Variants in CELSR1 observed in about 807,000 individuals in gnomAD.
CELSR1 encodes the protein adhesion G protein-coupled receptor C1.
Under a neutral mutation model 249.1 loss-of-function variants are expected in CELSR1, and 110 were observed. That is an observed-to-expected ratio of 0.44 (90% CI 0.38 to 0.52). CELSR1 has a LOEUF of 0.52. Among genes scored for constraint, CELSR1 ranks in the 20% least tolerant of loss-of-function variants. The pLI, the probability that CELSR1 is intolerant of heterozygous loss-of-function variation, is 0.00. For missense variants in CELSR1, 4,109 were observed against 4,296.4 expected (o/e 0.96, Z 1.22); for synonymous variants, 2,113 against 1,900.0 (o/e 1.11, Z -2.92).
chr22:46,366,241 A>AGAAAG, intron 30 of CELSR1, 145 bp downstream of exon 30: 1 of 407,454 alleles, frequency 2.5e-6, no homozygotes, highest in Non-Finnish European at 4.1e-6. Context: ...CAGGGAGGGA[A>AGAAAG]GTTGCGGGTG....
chr22:46,441,167 A>G lies in CELSR1; in HGVS notation c.4184-1756T>C, dbSNP rs796126456. Among the ~76,000 whole-genome samples, 2,078 of 151,504 alleles carry G rather than the reference A, an allele frequency of 0.014. 51 individuals are homozygous for G. The highest frequency in any genetic ancestry group is 0.046 in the African/African-American group (1,877 of 41,146). ...GACTTCATTTCAAAAAAAAAAAAAA[A>G]AGAGAGACTGCTATAAAGATGGAAC... On this transcript the variant is annotated intron_variant, in intron 2 of 34. Coordinates refer to ENST00000674500, the MANE Select transcript of CELSR1 (RefSeq NM_001378328.1). The surrounding 1 kb of genome is among the most constrained non-coding windows in gnomAD (Gnocchi z 6.1).
In CELSR1 at chr22:46,374,155, G is replaced by T. The variant is rs542639738; in HGVS notation, c.7585-1098C>A. Among the ~76,000 whole-genome samples, 1 of 152,384 alleles carries T rather than the reference G, an allele frequency of 6.6e-6. No individual in the cohort carries two copies. Among genetic ancestry groups the T allele is most frequent in the South Asian group, 2.1e-4 (1 of 4,828 alleles). On this transcript the variant is annotated intron_variant, in intron 24 of 34. Transcript: ENST00000674500. This position sits in a 1 kb window ranked among gnomAD's most constrained non-coding sequence, Gnocchi z 4.3. The stretch of plus-strand genomic sequence containing the variant: ...TCAGACTGTGGCCTCGGTCAGGAAA[G>T]GAGGCGCGAGCGTGTGGCTGGAGAA...
chr22:46,365,646 T>C lies in CELSR1; in HGVS notation c.8344A>G (p.Arg2782Gly). Residue 2782 changes from arginine to glycine, a missense_variant, in exon 31 of 35, where the codon AGG becomes GGG. Transcript: ENST00000674500. Reference protein sequence around the residue: ...QKLGVSSGLVRGSHGEPDASL... With the variant: ...QKLGVSSGLVGGSHGEPDASL... The stretch of plus-strand genomic sequence containing the variant: ...GCGTCTGGCTCTCCGTGGCTGCCCC[T>C]CACCAGCCCAGAGGACACGCCGAGC... 2 of 1,588,942 alleles carry C rather than the reference T, an allele frequency of 1.3e-6. No individual in the cohort carries two copies. The highest frequency in any genetic ancestry group is 1.7e-6 in the Non-Finnish European group (2 of 1,168,574).
rs1224034207 is a variant in CELSR1 at position 46,472,278 on chromosome 22, C to T, written c.3545-7933G>A. 1.3e-5 allele frequency among the ~76,000 whole-genome samples: 2 copies of T among 152,188 alleles called. No homozygotes were observed. Among genetic ancestry groups the T allele is most frequent in the Non-Finnish European group, 2.9e-5 (2 of 68,032 alleles). ...TGGAGGTTGGGACCTGTCCAGTCCC[C>T]GACTTTCGTGAAAGACTCTGCAGTA... On this transcript the variant is annotated intron_variant, in intron 1 of 34. Coordinates refer to ENST00000674500, the MANE Select transcript of CELSR1 (RefSeq NM_001378328.1). This position sits in a 1 kb window ranked among gnomAD's most constrained non-coding sequence, Gnocchi z 7.0.
rs2080827360 is a variant in CELSR1, at chr22:46,534,423, G to C, written c.2748C>G (p.Ala916=). 1 of 1,612,968 alleles carries C rather than the reference G, an allele frequency of 6.2e-7. No individual in the cohort carries two copies. The highest frequency in any genetic ancestry group is 2.2e-5 in the East Asian group (1 of 44,882). Residue 916 remains alanine (A), a synonymous_variant, in exon 1 of 35, where the codon GCC becomes GCG. Transcript: ENST00000674500. The surrounding 1 kb of genome is among the most constrained non-coding windows in gnomAD (Gnocchi z 9.7). ...PPSTSILQVS[A]TDRDSGPNGR... ...CATTGGGACCTGAGTCCCGGTCCGT[G>C]GCAGAGACCTGGAGGATGCTGGTCG...
intron 2 of CELSR1, among the ~76,000 whole-genome samples, chr22:46,462,017 T>C (rs577410610): frequency 7.2e-5 from 11 of 152,302 alleles, no homozygotes; most frequent in African/African-American, 2.6e-4. Flanking sequence ...GGAGGGGGCC[T>C]GGTTCAGGCC....
rs929897718 is a variant in CELSR1 at position 46,362,226 on chromosome 22, C to G, written c.*997G>C. ...TCCCCACCTGCAGCTCCCGGGCCAC[C>G]TGGGAGGCGGTGAGGGGAGGGGGTG... On this transcript the variant is annotated 3_prime_UTR_variant, in exon 35 of 35. Coordinates refer to ENST00000674500, the MANE Select transcript of CELSR1 (RefSeq NM_001378328.1). 1 of 152,282 alleles carries G rather than the reference C, an allele frequency of 6.6e-6. No individual in the cohort carries two copies. Among genetic ancestry groups the G allele is most frequent in the Non-Finnish European group, 1.5e-5 (1 of 68,070 alleles). 9.4% of individuals were successfully genotyped at this position (152,282 alleles called of 1,614,324 possible). A position where few individuals can be genotyped will look rare whatever the true frequency, so the allele number is the denominator to read the frequency against.
rs535083131 is a variant in CELSR1 at position 46,393,067 on chromosome 22, T to C, written c.5964+1075A>G. Among the ~76,000 whole-genome samples, 3 of 152,272 alleles carry C rather than the reference T, an allele frequency of 2.0e-5. No homozygotes were observed. Among genetic ancestry groups the C allele is most frequent in the African/African-American group, 7.2e-5 (3 of 41,574 alleles). On this transcript the variant is annotated intron_variant, in intron 14 of 34. Transcript: ENST00000674500. The surrounding 1 kb of genome is among the most constrained non-coding windows in gnomAD (Gnocchi z 4.1). ...CGCAGGCACTGGGGGGGGACACTAC[T>C]GACATCACGAGATGGCATCCAAGGG... is the stretch of plus-strand genomic sequence containing the variant.
chr22:46,365,089 TC>T, intron 32 of CELSR1, 141 bp downstream of exon 32: 2 of 1,200,954 alleles, frequency 1.7e-6, no homozygotes, highest in Non-Finnish European at 2.3e-6. Context: ...CCAACCAGAG[TC>T]CCCCCACCCC....
rs1259756342 is a variant in CELSR1, at chr22:46,410,383, G to C, written c.4933+15C>G. 6.2e-7 allele frequency: 1 copy of C among 1,607,260 alleles called. No homozygotes were observed. Among genetic ancestry groups the C allele is most frequent in the Admixed American group, 1.7e-5 (1 of 59,906 alleles). ...GCCACTGCGGCAGCTCCGACGCCCTGACGGCCACCCGTACCTTCCCGGGTG... is the reference window on the plus strand; with the variant it reads ...GCCACTGCGGCAGCTCCGACGCCCTCACGGCCACCCGTACCTTCCCGGGTG... On this transcript the variant is annotated intron_variant, in intron 7 of 34. Coordinates refer to ENST00000674500, the MANE Select transcript of CELSR1 (RefSeq NM_001378328.1). The surrounding 1 kb of genome is among the most constrained non-coding windows in gnomAD (Gnocchi z 6.8).
At position 46,445,982 on chromosome 22, in the gene CELSR1, C is replaced by T. The variant is rs2079814978; in HGVS notation, c.4184-6571G>A. Among the ~76,000 whole-genome samples the T allele has an allele frequency of 6.6e-6, 1 of 152,198 alleles. No homozygotes were observed. Among genetic ancestry groups the T allele is most frequent in the Admixed American group, 6.5e-5 (1 of 15,282 alleles). ...GCCCCTGCTCCTGCCGCACAGCCTCCAGACCTACTTGTCCCTTGCCTCGCG... is the reference window on the plus strand; with the variant it reads ...GCCCCTGCTCCTGCCGCACAGCCTCTAGACCTACTTGTCCCTTGCCTCGCG... On this transcript the variant is annotated intron_variant, in intron 2 of 34. Coordinates refer to ENST00000674500, the MANE Select transcript of CELSR1 (RefSeq NM_001378328.1). This position sits in a 1 kb window ranked among gnomAD's most constrained non-coding sequence, Gnocchi z 4.4.
intron 1 of CELSR1, among the ~76,000 whole-genome samples, chr22:46,532,257 G>A (rs145568446): frequency 6.6e-6 from 1 of 152,274 alleles, no homozygotes; most frequent in East Asian, 1.9e-4. Flanking sequence ...AAGATAAAGT[G>A]GTATAGAAGA....
At position 46,537,289 on chromosome 22, in the gene CELSR1, C is replaced by G; in HGVS notation, c.-119G>C. The G allele has an allele frequency of 1.0e-6, 1 of 984,428 alleles. No individual in the cohort carries two copies. Among genetic ancestry groups the G allele is most frequent in the East Asian group, 1.1e-4 (1 of 9,244 alleles). 61.0% of individuals were successfully genotyped at this position (984,428 alleles called of 1,614,324 possible). ...CGGGCGCCCGGCCCTCGGGGCGGTCCGCGTCCCGCCTCCCCGGGGGCCCTG... is the reference window on the plus strand; with the variant it reads ...CGGGCGCCCGGCCCTCGGGGCGGTCGGCGTCCCGCCTCCCCGGGGGCCCTG... On this transcript the variant is annotated 5_prime_UTR_variant, in exon 1 of 35. Coordinates refer to ENST00000674500, the MANE Select transcript of CELSR1 (RefSeq NM_001378328.1). The surrounding 1 kb of genome is among the most constrained non-coding windows in gnomAD (Gnocchi z 5.8).
At chr22:46,425,257 G>A (rs2079523970) in intron 5 of CELSR1, among the ~76,000 whole-genome samples, 1 of 152,116 alleles carries the variant, frequency 6.6e-6, no homozygotes, top group Non-Finnish European at 1.5e-5. Flanking sequence ...AGTGGTCTGT[G>A]GTTTTGTTTA....
At chr22:46,505,044 T>G (rs1018655766) in intron 1 of CELSR1, among the ~76,000 whole-genome samples, 6 of 151,716 alleles carry the variant, frequency 4.0e-5, no homozygotes, top group African/African-American at 1.5e-4. Context: ...GGGCGGATCA[T>G]GAGGTCAGGA....
chr22:46,489,904 A>G (rs1287043027), intron 1 of CELSR1, among the ~76,000 whole-genome samples: 1 of 151,242 alleles, frequency 6.6e-6, no homozygotes, highest in Non-Finnish European at 1.5e-5. Context: ...AAAAAAAAAA[A>G]AGCCCATCCT....
Position 46,363,077 on chromosome 22 carries a change from G to T in CELSR1, c.*146C>A. 6.5e-7 allele frequency: 1 copy of T among 1,544,224 alleles called. No individual in the cohort carries two copies. Among genetic ancestry groups the T allele is most frequent in the South Asian group, 1.1e-5 (1 of 89,502 alleles). The stretch of plus-strand genomic sequence containing the variant: ...TCAGTCGGGGGGCTGCCACCATGGG[G>T]ACCGCCACACTCTGGGCCCACTCCA... On this transcript the variant is annotated 3_prime_UTR_variant, in exon 35 of 35. Coordinates refer to ENST00000674500, the MANE Select transcript of CELSR1 (RefSeq NM_001378328.1). The surrounding 1 kb of genome is among the most constrained non-coding windows in gnomAD (Gnocchi z 4.3).
In CELSR1 at chr22:46,410,614, G is replaced by A. The variant is rs1292943645; in HGVS notation, c.4770-53C>T. The A allele has an allele frequency of 1.5e-5, 23 of 1,583,940 alleles. No homozygotes were observed. The highest frequency in any genetic ancestry group is 6.7e-5 in the Admixed American group (4 of 59,346). On this transcript the variant is annotated intron_variant, in intron 6 of 34. Coordinates refer to ENST00000674500, the MANE Select transcript of CELSR1 (RefSeq NM_001378328.1). This position sits in a 1 kb window ranked among gnomAD's most constrained non-coding sequence, Gnocchi z 6.8. ...CGTCAGGGCGGGGAGAGGCGGCCAC[G>A]GCGGGCTGGGCTCCGCAGTTGCCTC...
At position 46,391,350 on chromosome 22, in the gene CELSR1, C is replaced by A; in HGVS notation, c.6149-63G>T. The A allele has an allele frequency of 6.9e-7, 1 of 1,446,790 alleles. No homozygotes were observed. 89.6% of individuals were successfully genotyped at this position (1,446,790 alleles called of 1,614,324 possible). A position where few individuals can be genotyped will look rare whatever the true frequency, so the allele number is the denominator to read the frequency against. On this transcript the variant is annotated intron_variant, in intron 15 of 34. Coordinates refer to ENST00000674500, the MANE Select transcript of CELSR1 (RefSeq NM_001378328.1). This position sits in a 1 kb window ranked among gnomAD's most constrained non-coding sequence, Gnocchi z 4.3. ...CGCCACACCCACGACCACAAACAGG[C>A]ACCACTGTCTGCATGCGCCTCCCTG... is the stretch of plus-strand genomic sequence containing the variant.
Sources: allele counts gnomAD v4.1 joint callset (sites outside exome capture counted in the v4.1 genomes callset), GRCh38; gene constraint gnomAD v4.1.1; non-coding constraint Gnocchi (gnomAD v3.1); transcripts MANE v1.5; gene names NCBI Gene and HGNC (gene_info 2026-07-23, HGNC 2026-07-21).